Variants in PCBP3 observed in about 807,000 individuals in gnomAD.
The protein encoded by PCBP3 is poly(rC) binding protein 3.
PCBP3 carries 25 observed loss-of-function variants against 52.7 expected under a neutral mutation model. That is an observed-to-expected ratio of 0.47 (90% CI 0.35 to 0.66). PCBP3 has a LOEUF of 0.66. PCBP3 is among the 30% of genes least tolerant of loss of function. PCBP3 has a pLI of 0.01. For missense variants in PCBP3, 391 were observed against 490.3 expected (o/e 0.80, Z 1.91); for synonymous variants, 162 against 183.0 (o/e 0.89, Z 0.93).
intron 5 of PCBP3, among the ~76,000 whole-genome samples, chr21:45,860,889 C>T (rs1032854765): frequency 1.3e-5 from 2 of 152,216 alleles, no homozygotes; most frequent in African/African-American, 2.4e-5. Context: ...AGGTGCAGTG[C>T]TCGCCTTGGG....
intron 5 of PCBP3, among the ~76,000 whole-genome samples, chr21:45,851,951 C>T (rs2094023958): frequency 6.6e-6 from 1 of 152,152 alleles, no homozygotes; most frequent in African/African-American, 2.4e-5. Context: ...AATAAAGCTC[C>T]CCAGCCCTGA....
chr21:45,784,432 C>T (rs1437429038), intron 4 of PCBP3, among the ~76,000 whole-genome samples: 1 of 128,896 alleles, frequency 7.8e-6, no homozygotes, highest in Non-Finnish European at 1.8e-5. Context: ...CTACCTCCTA[C>T]CTCCTACCTC....
chr21:45,863,270 C>T (rs747817848), intron 5 of PCBP3, among the ~76,000 whole-genome samples: 4 of 152,244 alleles, frequency 2.6e-5, no homozygotes, highest in Non-Finnish European at 4.4e-5. Flanking sequence ...AGGTCAGCCC[C>T]GCTGTCCGGG....
At chr21:45,666,177 C>T (rs761163480) in intron 1 of PCBP3, among the ~76,000 whole-genome samples, 6 of 152,120 alleles carry the variant, frequency 3.9e-5, no homozygotes, top group South Asian at 2.1e-4. Context: ...AATGAGGAAA[C>T]GCCTAAAGCA....
intron 4 of PCBP3, among the ~76,000 whole-genome samples, chr21:45,836,636 GC>G (rs768755847): frequency 5.9e-5 from 9 of 152,006 alleles, no homozygotes; most frequent in Non-Finnish European, 1.3e-4. Flanking sequence ...CTCATGAACA[GC>G]CGTGACCCCA....
At chr21:45,893,725 A>T in intron 5 of PCBP3, 1 of 984,844 alleles carries the variant, frequency 1.0e-6, no homozygotes, top group African/African-American at 1.7e-5. Context: ...TGGACGGGAC[A>T]GAGGGAGGGA....
intron 13 of PCBP3, among the ~76,000 whole-genome samples, chr21:45,929,539 C>G (rs761224648): frequency 1.3e-5 from 2 of 152,348 alleles, no homozygotes; most frequent in East Asian, 3.9e-4. Flanking sequence ...CCTTGAATCT[C>G]CTAGAAGTGC....
intron 4 of PCBP3, among the ~76,000 whole-genome samples, chr21:45,811,733 ACTGT>A (rs895201161): frequency 6.6e-6 from 1 of 152,160 alleles, no homozygotes; most frequent in African/African-American, 2.4e-5. Flanking sequence ...TTTACTTTTA[ACTGT>A]CTGTGCCTTT....
In PCBP3 at chr21:45,711,213, C is replaced by T. The variant is rs575231445; in HGVS notation, c.-199-24179C>T. 2.0e-5 allele frequency among the ~76,000 whole-genome samples: 3 copies of T among 152,266 alleles called. No homozygotes were observed. The South Asian group carries it at 6.2e-4, about 32-fold the overall frequency. ...TTTTGTTGCTTTTAGGCCATTTTAGCTGACAGAGCAAAGGAGATATATGTT... is the reference window on the plus strand; with the variant it reads ...TTTTGTTGCTTTTAGGCCATTTTAGTTGACAGAGCAAAGGAGATATATGTT... On this transcript the variant is annotated intron_variant, in intron 2 of 17. Transcript: ENST00000681687.
chr21:45,669,899 G>A (rs903383808), intron 2 of PCBP3, among the ~76,000 whole-genome samples: 19 of 137,930 alleles, frequency 1.4e-4, no homozygotes, highest in African/African-American at 4.9e-4. Context: ...TCTACCTTTT[G>A]GCTATAGTGA....
intron 2 of PCBP3, among the ~76,000 whole-genome samples, chr21:45,679,963 C>T (rs536436629): frequency 6.6e-6 from 1 of 152,332 alleles, no homozygotes; most frequent in African/African-American, 2.4e-5. Context: ...TATCCTCTCA[C>T]CAGTTGCCTT....
intron 3 of PCBP3, among the ~76,000 whole-genome samples, chr21:45,744,786 G>C (rs937028202): frequency 2.0e-5 from 3 of 152,028 alleles, no homozygotes; most frequent in Non-Finnish European, 2.9e-5. Flanking sequence ...TTTTAACTCT[G>C]TTCTACTGGC....
At chr21:45,888,215 G>A (rs1307376053) in intron 5 of PCBP3, among the ~76,000 whole-genome samples, 1 of 152,222 alleles carries the variant, frequency 6.6e-6, no homozygotes, top group Non-Finnish European at 1.5e-5. Flanking sequence ...ACCTGTTTCT[G>A]TTACTGTAAT....
intron 1 of PCBP3, among the ~76,000 whole-genome samples, chr21:45,654,004 T>C (rs897819229): frequency 1.3e-5 from 2 of 152,196 alleles, no homozygotes; most frequent in African/African-American, 4.8e-5. Flanking sequence ...CTTAGAAGAC[T>C]TGAACTCTAT....
intron 5 of PCBP3, among the ~76,000 whole-genome samples, chr21:45,884,507 C>T (rs1345489774): frequency 6.6e-6 from 1 of 152,034 alleles, no homozygotes; most frequent in Non-Finnish European, 1.5e-5. Flanking sequence ...ACATATATAA[C>T]ATACACATAT....
At position 45,829,059 on chromosome 21, in the gene PCBP3, G is replaced by T. The variant is rs901143076; in HGVS notation, c.-125-20902G>T. 6.6e-6 allele frequency: 1 copy of T among 152,412 alleles called. No homozygotes were observed. The highest frequency in any genetic ancestry group is 2.4e-5 in the African/African-American group (1 of 41,578). 9.4% of individuals were successfully genotyped at this position (152,412 alleles called of 1,614,324 possible). On this transcript the variant is annotated intron_variant, in intron 4 of 17. Coordinates refer to ENST00000681687, the MANE Select transcript of PCBP3 (RefSeq NM_001384156.1). The surrounding 1 kb of genome is among the most constrained non-coding windows in gnomAD (Gnocchi z 5.2). ...ATTACTTCCCGGCCTCCTTATAATG[G>T]AAAGAGCTAGTGTAGGAGCTGGGAC... is the stretch of plus-strand genomic sequence containing the variant.
chr21:45,792,324 G>A (rs2091654297), intron 4 of PCBP3, among the ~76,000 whole-genome samples: 1 of 152,242 alleles, frequency 6.6e-6, no homozygotes, highest in Non-Finnish European at 1.5e-5. Flanking sequence ...CGGGCTCAGT[G>A]GAGGGTCTGG....
At position 45,759,641 on chromosome 21, in the gene PCBP3, A is replaced by G. The variant is rs17004801; in HGVS notation, c.-126+4189A>G. 0.012 allele frequency among the ~76,000 whole-genome samples: 1,824 copies of G among 152,354 alleles called. 119 individuals are homozygous for G. The East Asian group carries it at 0.2, about 17-fold the overall frequency. ...AACTATTCAAGAGAAGATTTCAGAC[A>G]TGGAGAGACATGGACAAGTTATAAC... On this transcript the variant is annotated intron_variant, in intron 4 of 17. Coordinates refer to ENST00000681687, the MANE Select transcript of PCBP3 (RefSeq NM_001384156.1).
At chr21:45,660,688 A>G (rs2080331462) in intron 1 of PCBP3, among the ~76,000 whole-genome samples, 1 of 152,094 alleles carries the variant, frequency 6.6e-6, no homozygotes, top group Non-Finnish European at 1.5e-5. Flanking sequence ...GTATACAGAA[A>G]CTTTGCTTCT....
Sources: gnomAD v4.1 joint callset for allele counts (sites outside exome capture counted in the v4.1 genomes callset) on GRCh38, gnomAD v4.1.1 for gene constraint, Gnocchi (gnomAD v3.1) non-coding constraint, MANE v1.5 for transcripts, NCBI Gene and HGNC (gene_info 2026-07-23, HGNC 2026-07-21) for gene names.